The following HELZ variants were observed in gnomAD, a reference collection of about 807,000 sequenced individuals.
The protein encoded by HELZ is ATP-dependent RNA helicase with zinc finger domain.
HELZ carries 23 observed loss-of-function variants against 218.2 expected under a neutral mutation model. The observed-to-expected ratio is 0.11, with a 90% CI of 0.08 to 0.15. HELZ has a LOEUF of 0.15. Among genes scored for constraint, HELZ ranks in the 10% least tolerant of loss-of-function variants. The pLI, the probability that HELZ is intolerant of heterozygous loss-of-function variation, is 1.00. For missense variants in HELZ, 1,813 were observed against 2,353.7 expected (o/e 0.77, Z 4.75); for synonymous variants, 814 against 829.4 (o/e 0.98, Z 0.32).
intron 17 of HELZ, 140 bp downstream of exon 17, chr17:67,160,121 G>T (rs911656937): frequency 1.7e-6 from 1 of 591,582 alleles, no homozygotes; most frequent in African/African-American, 1.9e-5. Flanking sequence ...AATTTAAACA[G>T]TTTCTTCAAA....
At chr17:67,230,222 T>G (rs1322155645) in intron 3 of HELZ, among the ~76,000 whole-genome samples, 1 of 152,198 alleles carries the variant, frequency 6.6e-6, no homozygotes, top group East Asian at 1.9e-4. Context: ...AAATTGTTTC[T>G]TGAAGAGTTT....
intron 19 of HELZ, 66 bp downstream of exon 19, chr17:67,149,801 T>C: frequency 3.4e-6 from 3 of 875,514 alleles, no homozygotes; most frequent in Admixed American, 2.2e-5. Flanking sequence ...GTTTTAGAAA[T>C]AGAATATTAA....
chr17:67,200,429 CAGGTGCTTTAAAAAAGACAA>C (rs1425804210), intron 7 of HELZ, among the ~76,000 whole-genome samples: 1 of 152,062 alleles, frequency 6.6e-6, no homozygotes, highest in African/African-American at 2.4e-5. Flanking sequence ...AGACTTCCAT[CAGGTGCTTTAAAAAAGACAA>C]AAAGAAGGCC....
At chr17:67,097,797 T>C (rs2036795575) in intron 31 of HELZ, among the ~76,000 whole-genome samples, 1 of 152,198 alleles carries the variant, frequency 6.6e-6, no homozygotes, top group African/African-American at 2.4e-5. Context: ...CAGTAAAAGT[T>C]TACTCTTTGA....
chr17:67,083,889 C>G (rs999451109), intron 32 of HELZ, among the ~76,000 whole-genome samples: 1 of 152,154 alleles, frequency 6.6e-6, no homozygotes, highest in African/African-American at 2.4e-5. Flanking sequence ...AGTGTCAAAA[C>G]GGGAAATTCA....
chr17:67,204,580 GATA>G (rs1036196896), intron 5 of HELZ, among the ~76,000 whole-genome samples: 4 of 152,004 alleles, frequency 2.6e-5, no homozygotes, highest in Admixed American at 2.6e-4. Context: ...TCCCTTATAA[GATA>G]ATAATTCCAA....
At chr17:67,219,309 A>T (rs780015609) in intron 3 of HELZ, among the ~76,000 whole-genome samples, 2 of 152,226 alleles carry the variant, frequency 1.3e-5, no homozygotes, top group Non-Finnish European at 2.9e-5. Context: ...TTGGAACTGT[A>T]TGAACTGTCC....
chr17:67,159,057 A>C (rs1479217991), intron 17 of HELZ, among the ~76,000 whole-genome samples: 2 of 152,208 alleles, frequency 1.3e-5, no homozygotes, highest in Non-Finnish European at 2.9e-5. Context: ...TGAACAAAAC[A>C]ACTTATATCA....
At chr17:67,089,063 C>CT (rs3837812) in intron 31 of HELZ, among the ~76,000 whole-genome samples, 2 of 151,690 alleles carry the variant, frequency 1.3e-5, no homozygotes, top group African/African-American at 2.4e-5. Context: ...ATGACTATCC[C>CT]GAGTGTTTAG....
chr17:67,122,224 GA>G (rs1291513553), intron 26 of HELZ, among the ~76,000 whole-genome samples: 3 of 152,050 alleles, frequency 2.0e-5, no homozygotes, highest in Admixed American at 1.3e-4. Context: ...CCAACATGGG[GA>G]AACCCTGTCT....
At position 67,072,797 on chromosome 17, in the gene HELZ, A is replaced by G. The variant is rs1332520891; in HGVS notation, c.*5455T>C. On this transcript the variant is annotated 3_prime_UTR_variant, in exon 33 of 33. Transcript: ENST00000358691. ...AGTTTTTTACACTGAGTAAATAAATACATGGTTGAAAAGACGTTCAGACTC... is the reference window on the plus strand; with the variant it reads ...AGTTTTTTACACTGAGTAAATAAATGCATGGTTGAAAAGACGTTCAGACTC... 6.6e-6 allele frequency: 1 copy of G among 152,240 alleles called. No individual in the cohort carries two copies. The highest frequency in any genetic ancestry group is 1.9e-4 in the East Asian group (1 of 5,198). 9.4% of individuals were successfully genotyped at this position (152,240 alleles called of 1,614,324 possible). A position where few individuals can be genotyped will look rare whatever the true frequency, so the allele number is the denominator to read the frequency against.
chr17:67,090,377 T>A (rs1027718444), intron 31 of HELZ, among the ~76,000 whole-genome samples: 2 of 152,310 alleles, frequency 1.3e-5, no homozygotes, highest in African/African-American at 4.8e-5. Context: ...TCTGTTTGTA[T>A]TGCCTTTATC....
intron 31 of HELZ, among the ~76,000 whole-genome samples, chr17:67,096,863 C>A (rs1485968763): frequency 6.6e-6 from 1 of 152,220 alleles, no homozygotes; most frequent in East Asian, 1.9e-4. Flanking sequence ...ACTGAAGTAG[C>A]ACTTTTAATT....
chr17:67,092,900 G>GC (rs1380398608), intron 31 of HELZ, among the ~76,000 whole-genome samples: 3 of 151,408 alleles, frequency 2.0e-5, no homozygotes, highest in African/African-American at 7.3e-5. Context: ...GGCGGGGGGG[G>GC]GAAGTTGCAG....
At chr17:67,176,473 GA>G (rs2039460388) in intron 13 of HELZ, 1 of 152,148 alleles carries the variant, frequency 6.6e-6, no homozygotes, top group South Asian at 2.1e-4. Context: ...CCCATATGTG[GA>G]ATTTCCACAC....
At chr17:67,214,605 G>GA (rs897837661) in intron 5 of HELZ, among the ~76,000 whole-genome samples, 34 of 143,426 alleles carry the variant, frequency 2.4e-4, no homozygotes, top group East Asian at 4.0e-4. Flanking sequence ...AGTAAGCAGG[G>GA]AAAAAAAAAA....
chr17:67,116,229 C>G (rs561061288), intron 27 of HELZ, among the ~76,000 whole-genome samples: 15 of 151,332 alleles, frequency 9.9e-5, no homozygotes, highest in Admixed American at 5.3e-4. Context: ...AAATACTCTA[C>G]CAATCCAGAA....
chr17:67,151,995 C>CT (rs1460675198), intron 17 of HELZ, among the ~76,000 whole-genome samples: 5 of 152,158 alleles, frequency 3.3e-5, no homozygotes, highest in African/African-American at 1.2e-4. Flanking sequence ...TGGGTTTACT[C>CT]TGAGTTTGAT....
rs962249038 is a variant in HELZ at position 67,073,232 on chromosome 17, C to T, written c.*5020G>A. 3 of 152,554 alleles carry T rather than the reference C, an allele frequency of 2.0e-5. No homozygotes were observed. Among genetic ancestry groups the T allele is most frequent in the Admixed American group, 2.0e-4 (3 of 15,274 alleles). The allele number at this position is 152,554 out of a possible 1,614,324, so 9.5% of individuals were successfully genotyped here. A position where few individuals can be genotyped will look rare whatever the true frequency, so the allele number is the denominator to read the frequency against. On this transcript the variant is annotated 3_prime_UTR_variant, in exon 33 of 33. Transcript: ENST00000358691. The stretch of plus-strand genomic sequence containing the variant: ...TCTTAAAAGGTAATATCGATTTCCC[C>T]TCCTCTACATAGTTCTAAGGCAGGC...
Sources: allele counts gnomAD v4.1 joint callset (sites outside exome capture counted in the v4.1 genomes callset), GRCh38; gene constraint gnomAD v4.1.1; transcripts MANE v1.5; gene names NCBI Gene and HGNC (gene_info 2026-07-23, HGNC 2026-07-21).